PIK3CG: variants seen among roughly 807,000 people sequenced by gnomAD.
PIK3CG encodes the protein phosphatidylinositol 4,5-bisphosphate 3-kinase catalytic subunit gamma isoform.
A neutral mutation model predicts 102.3 loss-of-function variants in PIK3CG; 55 were observed. The observed-to-expected ratio is 0.54, with a 90% CI of 0.43 to 0.67. PIK3CG has a LOEUF of 0.67. Among genes scored for constraint, PIK3CG ranks in the 30% least tolerant of loss-of-function variants. The probability of loss-of-function intolerance (pLI) is 0.00; values close to 1 mark genes in which losing one functional copy is unlikely to be tolerated. For synonymous variants in PIK3CG, 552 were observed against 540.0 expected (o/e 1.02, Z -0.31); for missense variants, 1,258 against 1,391.8 (o/e 0.90, Z 1.53).
chr7:106,866,742 T>C (rs1359872088), intron 1 of PIK3CG, among the ~76,000 whole-genome samples: 2 of 152,226 alleles, frequency 1.3e-5, no homozygotes, highest in Non-Finnish European at 2.9e-5. Context: ...GCTGACAAAT[T>C]CCATGATTCA....
Position 106,868,181 on chromosome 7 carries a change from T to G in PIK3CG, c.620T>G (p.Leu207Arg). 6.2e-7 allele frequency: 1 copy of G among 1,612,404 alleles called. No individual in the cohort carries two copies. The highest frequency in any genetic ancestry group is 1.7e-5 in the Admixed American group (1 of 60,008). The stretch of plus-strand genomic sequence containing the variant: ...CACCCGTGGGTGACGTCCAAGCCCC[T>G]CCCGGAGTACCTGTGGAAGAAGATT... ...AMHPWVTSKP[L>R]PEYLWKKIAN... The change falls in exon 2 of 11, where the codon CTC becomes CGC. Residue 207 changes from leucine to arginine, a missense_variant. Around this residue, in one of 2 missense-constraint regions of PIK3CG, gnomAD observed 832 missense variants for 787.5 expected, o/e 1.06. Coordinates refer to ENST00000496166, the MANE Select transcript of PIK3CG (RefSeq NM_001282426.2). This position sits in a 1 kb window ranked among gnomAD's most constrained non-coding sequence, Gnocchi z 6.2.
In PIK3CG at chr7:106,884,360, A is replaced by T; in HGVS notation, c.2872+94A>T. 1 of 795,398 alleles carries T rather than the reference A, an allele frequency of 1.3e-6. No homozygotes were observed. The highest frequency in any genetic ancestry group is 2.1e-6 in the Non-Finnish European group (1 of 482,212). The allele number at this position is 795,398 out of a possible 1,614,324, so 49.3% of individuals were successfully genotyped here. On this transcript the variant is annotated intron_variant, in intron 9 of 10. Coordinates refer to ENST00000496166, the MANE Select transcript of PIK3CG (RefSeq NM_001282426.2). The surrounding 1 kb of genome is among the most constrained non-coding windows in gnomAD (Gnocchi z 4.2). ...TAACTCTAATTAACTGTAAGTGTTC[A>T]GTTCAGTGGCATTACATATGTTCAC...
chr7:106,882,732 C>T, intron 7 of PIK3CG: 1 of 248,612 alleles, frequency 4.0e-6, no homozygotes, highest in East Asian at 7.3e-5. Context: ...GCACAGATTG[C>T]CATCTGAGGA....
chr7:106,895,090 T>C lies in PIK3CG; in HGVS notation c.3030+8798T>C, dbSNP rs1791372106. On this transcript the variant is annotated intron_variant, in intron 10 of 10. Transcript: ENST00000496166. The surrounding 1 kb of genome is among the most constrained non-coding windows in gnomAD (Gnocchi z 5.4). ...TTTATTAGCTACTAATGGAGAATGT[T>C]CTAGCTAATGGCATTAATAATAATG... Among the ~76,000 whole-genome samples the C allele has an allele frequency of 1.3e-5, 2 of 152,224 alleles. No homozygotes were observed. The highest frequency in any genetic ancestry group is 4.1e-4 in the South Asian group (2 of 4,822).
Position 106,886,199 on chromosome 7 carries a change from TAAAGAG to T in PIK3CG, c.2939_2944del (p.Lys980_Glu981del). ...ATTACAAAAGTTTCCTGGGCATTAA[TAAAGAG>T]AGAGTGCCATTTGTGCTAACCCCTG... is the stretch of plus-strand genomic sequence containing the variant. On this transcript the variant is annotated inframe_deletion, in exon 10 of 11. Transcript: ENST00000496166. The T allele has an allele frequency of 1.9e-6, 3 of 1,614,062 alleles. No individual in the cohort carries two copies. Among genetic ancestry groups the T allele is most frequent in the Non-Finnish European group, 2.5e-6 (3 of 1,179,906 alleles).
At position 106,891,815 on chromosome 7, in the gene PIK3CG, T is replaced by C. The variant is rs1791271224; in HGVS notation, c.3030+5523T>C. On this transcript the variant is annotated intron_variant, in intron 10 of 10. Coordinates refer to ENST00000496166, the MANE Select transcript of PIK3CG (RefSeq NM_001282426.2). The surrounding 1 kb of genome is among the most constrained non-coding windows in gnomAD (Gnocchi z 4.4). Reference sequence around the variant, plus strand: ...TTTAATCTAGGATGACTGTGGAAATTTTCTTGCCAGTTTTATCAGGCCCAC... The same window carrying C: ...TTTAATCTAGGATGACTGTGGAAATCTTCTTGCCAGTTTTATCAGGCCCAC... 6.6e-6 allele frequency among the ~76,000 whole-genome samples: 1 copy of C among 151,822 alleles called. No individual in the cohort carries two copies. The highest frequency in any genetic ancestry group is 6.6e-5 in the Admixed American group (1 of 15,206).
chr7:106,907,250 C>T lies in PIK3CG; in HGVS notation c.*1863C>T. 6.3e-6 allele frequency: 1 copy of T among 158,506 alleles called. No individual in the cohort carries two copies. Among genetic ancestry groups the T allele is most frequent in the African/African-American group, 2.4e-5 (1 of 41,782 alleles). The allele number at this position is 158,506 out of a possible 1,614,324, so 9.8% of individuals were successfully genotyped here. A position where few individuals can be genotyped will look rare whatever the true frequency, so the allele number is the denominator to read the frequency against. ...TCTTCAGGTGATTCTAATTCACAGC[C>T]AGAGTTGGAAGCCCTGCGTGGCCTT... On this transcript the variant is annotated 3_prime_UTR_variant, in exon 11 of 11. Transcript: ENST00000496166.
Position 106,906,628 on chromosome 7 carries a change from T to C in PIK3CG, c.*1241T>C, listed in dbSNP as rs2116623265. 1 of 229,842 alleles carries C rather than the reference T, an allele frequency of 4.4e-6. No individual in the cohort carries two copies. Among genetic ancestry groups the C allele is most frequent in the East Asian group, 6.2e-5 (1 of 16,026 alleles). 14.2% of individuals were successfully genotyped at this position (229,842 alleles called of 1,614,324 possible). The stretch of plus-strand genomic sequence containing the variant: ...TTTTCATCTCTGAAATATCTCGTTA[T>C]TTATTGGAGGTATTGTTTAACCTTA... On this transcript the variant is annotated 3_prime_UTR_variant, in exon 11 of 11. Transcript: ENST00000496166.
rs552814651 is a variant in PIK3CG, at chr7:106,902,980, C to A, written c.3031-2129C>A. Reference sequence around the variant, plus strand: ...CATCTGGAATTTATTTTTGGTATATCACATGGAGTAGAATTTTATTTTCTC... The same window carrying A: ...CATCTGGAATTTATTTTTGGTATATAACATGGAGTAGAATTTTATTTTCTC... On this transcript the variant is annotated intron_variant, in intron 10 of 10. Transcript: ENST00000496166. The surrounding 1 kb of genome is among the most constrained non-coding windows in gnomAD (Gnocchi z 4.3). 8.5e-5 allele frequency among the ~76,000 whole-genome samples: 13 copies of A among 152,180 alleles called. No individual in the cohort carries two copies. The East Asian group carries it at 2.5e-3, about 29-fold the overall frequency.
chr7:106,897,513 TG>T lies in PIK3CG; in HGVS notation c.3031-7595del, dbSNP rs1277800567. Among the ~76,000 whole-genome samples the T allele has an allele frequency of 6.6e-6, 1 of 152,200 alleles. No individual in the cohort carries two copies. ...CCCAGTACCCAATAGTTATCTTTTT[TG>T]CTCCTCTCCCTCCTCTCATTCTCTC... On this transcript the variant is annotated intron_variant, in intron 10 of 10. Coordinates refer to ENST00000496166, the MANE Select transcript of PIK3CG (RefSeq NM_001282426.2). This position sits in a 1 kb window ranked among gnomAD's most constrained non-coding sequence, Gnocchi z 4.6.
rs375848575 is a variant in PIK3CG at position 106,868,304 on chromosome 7, T to G, written c.743T>G (p.Phe248Cys). 6.2e-7 allele frequency: 1 copy of G among 1,614,074 alleles called. No individual in the cohort carries two copies. The highest frequency in any genetic ancestry group is 1.3e-5 in the African/African-American group (1 of 74,944). ...ACCCCCGGCGCCATCCTGCAGAGCT[T>G]CTTCACCAAGATGGCCAAGAAGAAA... is the stretch of plus-strand genomic sequence containing the variant. ...DDTPGAILQS[F>C]FTKMAKKKSL... Residue 248 changes from phenylalanine (F) to cysteine (C), a missense_variant, in exon 2 of 11, where the codon TTC (phenylalanine) becomes TGC (cysteine). Around this residue, in one of 2 missense-constraint regions of PIK3CG, gnomAD observed 832 missense variants for 787.5 expected, o/e 1.06. Coordinates refer to ENST00000496166, the MANE Select transcript of PIK3CG (RefSeq NM_001282426.2). The surrounding 1 kb of genome is among the most constrained non-coding windows in gnomAD (Gnocchi z 6.2).
At position 106,872,692 on chromosome 7, in the gene PIK3CG, C is replaced by G. The variant is rs749091335; in HGVS notation, c.2062-21C>G. 6.2e-7 allele frequency: 1 copy of G among 1,608,168 alleles called. No individual in the cohort carries two copies. Among genetic ancestry groups the G allele is most frequent in the Non-Finnish European group, 8.5e-7 (1 of 1,174,690 alleles). ...AAAGCATTAGTCATAATAATTTCAACTTTCTTGTACCTGCCCTCAGAACAA... is the reference window on the plus strand; with the variant it reads ...AAAGCATTAGTCATAATAATTTCAAGTTTCTTGTACCTGCCCTCAGAACAA... On this transcript the variant is annotated intron_variant, in intron 3 of 10. Transcript: ENST00000496166. The surrounding 1 kb of genome is among the most constrained non-coding windows in gnomAD (Gnocchi z 5.3).
Position 106,905,560 on chromosome 7 carries a change from G to GT in PIK3CG, c.*176dup, listed in dbSNP as rs960613552. On this transcript the variant is annotated 3_prime_UTR_variant, in exon 11 of 11. Coordinates refer to ENST00000496166, the MANE Select transcript of PIK3CG (RefSeq NM_001282426.2). This position sits in a 1 kb window ranked among gnomAD's most constrained non-coding sequence, Gnocchi z 5.6. ...AGAAAAGATGTTGGCATTGCTGATT[G>GT]TTTGGTTAAGCAATGTCCAGTGCTA... The GT allele has an allele frequency of 2.7e-5, 17 of 638,730 alleles. No individual in the cohort carries two copies. The African/African-American group carries it at 2.9e-4, about 11-fold the overall frequency. The allele number at this position is 638,730 out of a possible 1,614,324, so 39.6% of individuals were successfully genotyped here.
rs768503171 is a variant in PIK3CG at position 106,874,762 on chromosome 7, A to G, written c.2350A>G (p.Arg784Gly). Reference sequence around the variant, plus strand: ...GAATTCTCAACTCCCCGAAAGCTTTAGAGTTCCATATGATCCTGGACTGAA... The same window carrying G: ...GAATTCTCAACTCCCCGAAAGCTTTGGAGTTCCATATGATCCTGGACTGAA... ...LQNSQLPESFRVPYDPGLKAG... is the reference protein window; with the variant it reads ...LQNSQLPESFGVPYDPGLKAG... Residue 784 changes from arginine (R) to glycine (G), a missense_variant, in exon 5 of 11, where the codon AGA becomes GGA. Physicochemically the swap from Arg to Gly is moderately radical, Grantham distance 125 (BLOSUM62 -2). Coordinates refer to ENST00000496166, the MANE Select transcript of PIK3CG (RefSeq NM_001282426.2). The surrounding 1 kb of genome is among the most constrained non-coding windows in gnomAD (Gnocchi z 4.3). 29 of 1,614,088 alleles carry G rather than the reference A, an allele frequency of 1.8e-5. No individual in the cohort carries two copies. Among genetic ancestry groups the G allele is most frequent in the Non-Finnish European group, 2.5e-5 (29 of 1,179,918 alleles).
At chr7:106,896,808 G>A (rs1414960966) in intron 10 of PIK3CG, among the ~76,000 whole-genome samples, 1 of 152,158 alleles carries the variant, frequency 6.6e-6, no homozygotes, top group Non-Finnish European at 1.5e-5. Flanking sequence ...GTCTCACTTA[G>A]AAAATGCCAG....
At position 106,883,874 on chromosome 7, in the gene PIK3CG, G is replaced by A. The variant is rs1791011349; in HGVS notation, c.2761-281G>A. 6.6e-6 allele frequency among the ~76,000 whole-genome samples: 1 copy of A among 152,220 alleles called. No homozygotes were observed. Among genetic ancestry groups the A allele is most frequent in the Non-Finnish European group, 1.5e-5 (1 of 68,050 alleles). ...ATGGGTTCTATATAGTTGTTGGCAA[G>A]TGATGCATGGAGAGGAAGTGAACCC... On this transcript the variant is annotated intron_variant, in intron 8 of 10. Coordinates refer to ENST00000496166, the MANE Select transcript of PIK3CG (RefSeq NM_001282426.2). The surrounding 1 kb of genome is among the most constrained non-coding windows in gnomAD (Gnocchi z 5.8).
Position 106,897,428 on chromosome 7 carries a change from T to C in PIK3CG, c.3031-7681T>C, listed in dbSNP as rs901237411. On this transcript the variant is annotated intron_variant, in intron 10 of 10. Coordinates refer to ENST00000496166, the MANE Select transcript of PIK3CG (RefSeq NM_001282426.2). The surrounding 1 kb of genome is among the most constrained non-coding windows in gnomAD (Gnocchi z 4.6). ...GGGGTACATGTGAAAGTTTGTTACA[T>C]AGGTAAACACATGTCACAGGGGTTT... Among the ~76,000 whole-genome samples the C allele has an allele frequency of 3.9e-5, 6 of 152,316 alleles. No homozygotes were observed. Among genetic ancestry groups the C allele is most frequent in the Admixed American group, 1.3e-4 (2 of 15,292 alleles).
chr7:106,887,798 G>C (rs1791143173), intron 10 of PIK3CG, among the ~76,000 whole-genome samples: 2 of 152,052 alleles, frequency 1.3e-5, no homozygotes, highest in African/African-American at 4.8e-5. Context: ...TTTAAAGGGG[G>C]GAAAACACTC....
Position 106,894,698 on chromosome 7 carries a change from C to T in PIK3CG, c.3030+8406C>T, listed in dbSNP as rs1462669119. On this transcript the variant is annotated intron_variant, in intron 10 of 10. Transcript: ENST00000496166. This position sits in a 1 kb window ranked among gnomAD's most constrained non-coding sequence, Gnocchi z 4.4. ...TCCTTCCTCTAGCAGACAGAGGCAA[C>T]ATTACTATTTAGGAAAAGTAAGTGG... Among the ~76,000 whole-genome samples, 1 of 152,164 alleles carries T rather than the reference C, an allele frequency of 6.6e-6. No individual in the cohort carries two copies. The highest frequency in any genetic ancestry group is 1.5e-5 in the Non-Finnish European group (1 of 68,040).
Sources: allele counts gnomAD v4.1 joint callset (sites outside exome capture counted in the v4.1 genomes callset), GRCh38; gene constraint gnomAD v4.1.1; regional missense constraint gnomAD v4.1.1; non-coding constraint Gnocchi (gnomAD v3.1); transcripts MANE v1.5; gene names NCBI Gene and HGNC (gene_info 2026-07-23, HGNC 2026-07-21).